Variants in PCDH9 observed in about 807,000 individuals in gnomAD.
PCDH9 encodes protocadherin-9.
In PCDH9, 24 loss-of-function variants were observed where a neutral mutation model predicts 70.6. That is an observed-to-expected ratio of 0.34 (90% CI 0.25 to 0.48). The LOEUF (loss-of-function observed/expected upper bound fraction) is 0.48, where lower values mean the gene tolerates loss of function less well. Ranked by LOEUF, PCDH9 falls within the 20% of genes least tolerant of loss-of-function variation. PCDH9 has a pLI of 0.99. For synonymous variants in PCDH9, 562 were observed against 558.5 expected, an observed-to-expected ratio of 1.01 and a Z score of -0.09; for missense variants, 1,281 against 1,503.6, an observed-to-expected ratio of 0.85 and a Z score of 2.45.
intron 3 of PCDH9, among the ~76,000 whole-genome samples, chr13:66,837,346 ACT>A (rs2081038774): frequency 6.6e-6 from 1 of 152,108 alleles, no homozygotes; most frequent in African/African-American, 2.4e-5. Flanking sequence ...GAAGTAAGGT[ACT>A]GTTAGTGGCT....
chr13:66,838,312 C>T (rs2081057811), intron 3 of PCDH9, among the ~76,000 whole-genome samples: 2 of 151,810 alleles, frequency 1.3e-5, no homozygotes. Context: ...GCACATTACA[C>T]TTAATATTTG....
intron 4 of PCDH9, among the ~76,000 whole-genome samples, chr13:66,458,786 A>C (rs1958366964): frequency 6.6e-6 from 1 of 152,058 alleles, no homozygotes. Context: ...AATACACTAT[A>C]AAATTGTCAT....
intron 4 of PCDH9, among the ~76,000 whole-genome samples, chr13:66,567,327 G>A (rs1410202075): frequency 2.6e-5 from 4 of 152,088 alleles, no homozygotes; most frequent in Non-Finnish European, 4.4e-5. Context: ...AAAACGCGTG[G>A]TATGGGGATG....
intron 4 of PCDH9, among the ~76,000 whole-genome samples, chr13:66,543,729 A>G (rs1566404988): frequency 6.6e-6 from 1 of 152,210 alleles, no homozygotes; most frequent in African/African-American, 2.4e-5. Flanking sequence ...TAAAAACCCA[A>G]TCTTTCAAAC....
chr13:66,759,817 G>T (rs1232066648), intron 3 of PCDH9, among the ~76,000 whole-genome samples: 1 of 132,138 alleles, frequency 7.6e-6, no homozygotes, highest in African/African-American at 2.7e-5. Flanking sequence ...AAATTATTGT[G>T]GTTATTAAAA....
At chr13:66,716,527 A>G (rs896090585) in intron 3 of PCDH9, among the ~76,000 whole-genome samples, 1 of 152,172 alleles carries the variant, frequency 6.6e-6, no homozygotes, top group Non-Finnish European at 1.5e-5. Context: ...AGCTTTGTAA[A>G]TAAGGAGTCA....
chr13:66,899,450 A>C (rs570124435), intron 3 of PCDH9, among the ~76,000 whole-genome samples: 38 of 152,016 alleles, frequency 2.5e-4, no homozygotes, highest in Non-Finnish European at 5.0e-4. Flanking sequence ...CCTACAAGGG[A>C]GAAGTCCTAT....
intron 2 of PCDH9, among the ~76,000 whole-genome samples, chr13:66,989,432 ATT>A (rs1206599336): frequency 3.9e-5 from 6 of 151,950 alleles, no homozygotes; most frequent in African/African-American, 1.4e-4. Context: ...CTTTCCAACG[ATT>A]TGCTTCCTAT....
chr13:67,039,767 A>G (rs1296743348), intron 2 of PCDH9, among the ~76,000 whole-genome samples: 3 of 152,198 alleles, frequency 2.0e-5, no homozygotes, highest in African/African-American at 7.2e-5. Context: ...TTCAAACCTG[A>G]CAAGGGAGCT....
chr13:66,996,547 T>G (rs1207890053), intron 2 of PCDH9, among the ~76,000 whole-genome samples: 1 of 152,186 alleles, frequency 6.6e-6, no homozygotes, highest in Non-Finnish European at 1.5e-5. Flanking sequence ...ATTTGATATG[T>G]GAAGAATTTT....
intron 4 of PCDH9, among the ~76,000 whole-genome samples, chr13:66,524,105 T>C (rs1445929741): frequency 2.0e-5 from 3 of 151,984 alleles, no homozygotes; most frequent in African/African-American, 4.8e-5. Flanking sequence ...TCATGATTAA[T>C]TTTTCTTTTT....
intron 3 of PCDH9, among the ~76,000 whole-genome samples, chr13:66,817,708 C>A (rs1326004472): frequency 6.6e-6 from 1 of 152,202 alleles, no homozygotes; most frequent in Admixed American, 6.5e-5. Context: ...CAGCTCACTG[C>A]AACCTCGACC....
At chr13:67,094,823 T>G (rs948715292) in intron 2 of PCDH9, among the ~76,000 whole-genome samples, 16 of 152,290 alleles carry the variant, frequency 1.1e-4, no homozygotes, top group African/African-American at 3.8e-4. Context: ...CTAACCATGT[T>G]ATTGTCACTG....
intron 4 of PCDH9, among the ~76,000 whole-genome samples, chr13:66,448,291 C>T (rs1958137251): frequency 6.6e-6 from 1 of 152,166 alleles, no homozygotes; most frequent in African/African-American, 2.4e-5. Context: ...CATACATCCC[C>T]AGAGAAATAG....
At chr13:66,609,544 C>T (rs4335667) in intron 4 of PCDH9, among the ~76,000 whole-genome samples, 107,501 of 151,816 alleles carry the variant, frequency 0.71, 40,906 homozygotes, top group East Asian at 0.91. Context: ...GTTTTGAAAA[C>T]TCTTTATGAA....
intron 2 of PCDH9, among the ~76,000 whole-genome samples, chr13:67,188,884 C>T (rs894492983): frequency 6.6e-6 from 1 of 151,956 alleles, no homozygotes; most frequent in Non-Finnish European, 1.5e-5. Context: ...ATGCACCCAT[C>T]ACCCAAGAAG....
At chr13:66,812,413 T>G (rs2053498) in intron 3 of PCDH9, among the ~76,000 whole-genome samples, 1 of 152,154 alleles carries the variant, frequency 6.6e-6, no homozygotes, top group African/African-American at 2.4e-5. Context: ...CAGTAAGATT[T>G]TAATATTTAA....
At chr13:67,059,329 A>C (rs260130) in intron 2 of PCDH9, among the ~76,000 whole-genome samples, 140,101 of 141,702 alleles carry the variant, frequency 0.99, 69,273 homozygotes, top group Non-Finnish European at 1. Flanking sequence ...AAAAAAAAAA[A>C]CAAATTTCAA....
intron 3 of PCDH9, among the ~76,000 whole-genome samples, chr13:66,758,494 T>TA (rs1391152134): frequency 6.6e-6 from 1 of 152,058 alleles, no homozygotes; most frequent in African/African-American, 2.4e-5. Context: ...AATACATGTA[T>TA]ACACTGTGTA....
Sources: gnomAD v4.1 joint callset for allele counts (sites outside exome capture counted in the v4.1 genomes callset) on GRCh38, gnomAD v4.1.1 for gene constraint, MANE v1.5 for transcripts, NCBI Gene and HGNC (gene_info 2026-07-23, HGNC 2026-07-21) for gene names.